Variants in MACROD2 observed in about 807,000 individuals in gnomAD.
MACROD2 encodes the protein ADP-ribose glycohydrolase MACROD2.
A neutral mutation model predicts 70.4 loss-of-function variants in MACROD2; 36 were observed. The observed-to-expected ratio is 0.51, with a 90% CI of 0.39 to 0.68. MACROD2 has a LOEUF of 0.68. MACROD2 is among the 30% of genes least tolerant of loss of function. MACROD2 has a pLI of 0.00. For missense variants in MACROD2, 496 were observed against 538.4 expected (o/e 0.92, Z 0.78); for synonymous variants, 172 against 178.8 (o/e 0.96, Z 0.30).
intron 3 of MACROD2, among the ~76,000 whole-genome samples, chr20:14,143,348 CA>C (rs2054901593): frequency 6.6e-6 from 1 of 152,126 alleles, no homozygotes; most frequent in African/African-American, 2.4e-5. Context: ...TGTCTTTAAG[CA>C]AACAGTGTTT....
At chr20:14,496,393 A>G (rs1418879418) in intron 4 of MACROD2, among the ~76,000 whole-genome samples, 1 of 152,154 alleles carries the variant, frequency 6.6e-6, no homozygotes, top group Non-Finnish European at 1.5e-5. Context: ...TGTAGACAAA[A>G]TTATTGTATG....
intron 9 of MACROD2, among the ~76,000 whole-genome samples, chr20:15,873,339 T>A (rs934507286): frequency 6.6e-6 from 1 of 152,108 alleles, no homozygotes; most frequent in African/African-American, 2.4e-5. Flanking sequence ...TTTCCTACCT[T>A]TCTCAGTGGG....
At chr20:15,475,057 A>C (rs2047005197) in intron 7 of MACROD2, among the ~76,000 whole-genome samples, 1 of 152,222 alleles carries the variant, frequency 6.6e-6, no homozygotes, top group Non-Finnish European at 1.5e-5. Context: ...AAAATAGTGC[A>C]AATAAAGAAT....
chr20:15,696,678 G>GTTTTTTTT (rs374403186), intron 8 of MACROD2, among the ~76,000 whole-genome samples: 1 of 88,744 alleles, frequency 1.1e-5, no homozygotes, highest in East Asian at 3.6e-4. Context: ...TAGTCCTGGA[G>GTTTTTTTT]TTTTTTTTTT....
chr20:15,616,533 C>T (rs200746), intron 8 of MACROD2, among the ~76,000 whole-genome samples: 67,569 of 151,974 alleles, frequency 0.44, 15,418 homozygotes, highest in African/African-American at 0.55. Context: ...ACCTAAGAAC[C>T]CTGTTTTTCA....
chr20:15,276,531 G>A (rs1231769924), intron 6 of MACROD2, among the ~76,000 whole-genome samples: 1 of 152,050 alleles, frequency 6.6e-6, no homozygotes, highest in Non-Finnish European at 1.5e-5. Context: ...GGAAAGATGA[G>A]TAAGTCTTAC....
chr20:14,331,505 C>T (rs1031384261), intron 3 of MACROD2, among the ~76,000 whole-genome samples: 1 of 152,060 alleles, frequency 6.6e-6, no homozygotes, highest in Admixed American at 6.6e-5. Flanking sequence ...ATTCTCTTCT[C>T]CCCACATTGT....
intron 7 of MACROD2, among the ~76,000 whole-genome samples, chr20:15,484,342 A>G (rs1325342735): frequency 6.6e-6 from 1 of 152,152 alleles, no homozygotes; most frequent in East Asian, 1.9e-4. Flanking sequence ...GAAGTATTAT[A>G]TAGTTATGTG....
intron 8 of MACROD2, among the ~76,000 whole-genome samples, chr20:15,631,202 CAGA>C (rs1437640029): frequency 1.3e-4 from 20 of 152,190 alleles, no homozygotes; most frequent in East Asian, 1.9e-4. Flanking sequence ...CAAGTTCTTG[CAGA>C]AGGACAGCAC....
chr20:14,677,474 A>G (rs2070875912), intron 4 of MACROD2, among the ~76,000 whole-genome samples: 2 of 152,210 alleles, frequency 1.3e-5, no homozygotes, highest in Admixed American at 6.5e-5. Flanking sequence ...TTTGCTAGAT[A>G]ATTGGAGAAA....
intron 5 of MACROD2, among the ~76,000 whole-genome samples, chr20:14,926,156 A>G (rs1018489346): frequency 3.3e-5 from 5 of 150,680 alleles, no homozygotes; most frequent in Non-Finnish European, 7.4e-5. Context: ...CTTTTGCCTA[A>G]ATGCAGAGTT....
chr20:16,035,685 A>G (rs1364940244), intron 15 of MACROD2, among the ~76,000 whole-genome samples: 1 of 151,946 alleles, frequency 6.6e-6, no homozygotes, highest in Non-Finnish European at 1.5e-5. Flanking sequence ...TTCATCTCAA[A>G]CCATCTTCAA....
At chr20:14,916,667 A>G (rs576338223) in intron 5 of MACROD2, among the ~76,000 whole-genome samples, 2 of 152,324 alleles carry the variant, frequency 1.3e-5, no homozygotes, top group East Asian at 3.9e-4. Flanking sequence ...AGTGTTAGCA[A>G]TTGTAAGGAG....
At chr20:14,807,849 G>A (rs1226152963) in intron 5 of MACROD2, among the ~76,000 whole-genome samples, 1 of 152,102 alleles carries the variant, frequency 6.6e-6, no homozygotes, top group African/African-American at 2.4e-5. Flanking sequence ...ATCAGAGATT[G>A]AAGATCAACT....
chr20:15,143,674 C>T (rs2076208844), intron 5 of MACROD2, among the ~76,000 whole-genome samples: 1 of 151,948 alleles, frequency 6.6e-6, no homozygotes, highest in Non-Finnish European at 1.5e-5. Context: ...GTTGGCCATG[C>T]TGTCTCAGCA....
chr20:14,105,619 G>A lies in MACROD2; in HGVS notation c.271+19891G>A, dbSNP rs111453057. Among the ~76,000 whole-genome samples the A allele has an allele frequency of 2.8e-3, 423 of 152,288 alleles. 7 individuals carry two copies. The highest frequency in any genetic ancestry group is 0.027 in the Admixed American group (407 of 15,284). On this transcript the variant is annotated intron_variant, in intron 3 of 17. Transcript: ENST00000684519. ...TATGCAACTCCTAGTGCTAGTCTGGGCTTGGAGCCAGTGAACTAGGGTGGC... is the reference window on the plus strand; with the variant it reads ...TATGCAACTCCTAGTGCTAGTCTGGACTTGGAGCCAGTGAACTAGGGTGGC...
chr20:14,897,618 G>C (rs2073846169), intron 5 of MACROD2, among the ~76,000 whole-genome samples: 1 of 151,948 alleles, frequency 6.6e-6, no homozygotes, highest in Non-Finnish European at 1.5e-5. Context: ...AATTGACTTT[G>C]GCTCATTTAA....
At chr20:14,369,254 A>G (rs1216503317) in intron 3 of MACROD2, among the ~76,000 whole-genome samples, 1 of 151,724 alleles carries the variant, frequency 6.6e-6, no homozygotes, top group African/African-American at 2.4e-5. Flanking sequence ...GCTTTGCGTT[A>G]TTCCCCAAGG....
At chr20:15,843,662 T>C (rs2147134883) in intron 8 of MACROD2, among the ~76,000 whole-genome samples, 1 of 152,286 alleles carries the variant, frequency 6.6e-6, no homozygotes, top group East Asian at 1.9e-4. Context: ...TTTTTTGGCA[T>C]ATGTGTAGAA....
Sources: allele counts gnomAD v4.1 joint callset (sites outside exome capture counted in the v4.1 genomes callset), GRCh38; gene constraint gnomAD v4.1.1; transcripts MANE v1.5; gene names NCBI Gene and HGNC (gene_info 2026-07-23, HGNC 2026-07-21).